The following R3HDM1 variants were observed in gnomAD, a reference collection of about 807,000 sequenced individuals.
The protein encoded by R3HDM1 is R3H domain containing 1, also known as R3H domain-containing protein 1.
In R3HDM1, 46 loss-of-function variants were observed where a neutral mutation model predicts 141.1. That is an observed-to-expected ratio of 0.33 (90% CI 0.26 to 0.42). R3HDM1 has a LOEUF of 0.42. R3HDM1 is among the 10% of genes least tolerant of loss of function. The pLI is 1.00. For synonymous variants in R3HDM1, 435 were observed against 472.9 expected, an observed-to-expected ratio of 0.92 and a Z score of 1.04; for missense variants, 1,184 against 1,368.3, an observed-to-expected ratio of 0.87 and a Z score of 2.12.
chr2:135,710,050 G>C lies in R3HDM1; in HGVS notation c.2564-9G>C. 14 of 1,612,184 alleles carry C rather than the reference G, an allele frequency of 8.7e-6. No homozygotes were observed. The highest frequency in any genetic ancestry group is 1.2e-5 in the Non-Finnish European group (14 of 1,179,006). On this transcript the variant is annotated splice_polypyrimidine_tract_variant and intron_variant, in intron 22 of 26. Coordinates refer to ENST00000683871, the MANE Select transcript of R3HDM1 (RefSeq NM_001378107.1). ...TTCTGACTATAGCATCCTAAATTCT[G>C]ATTTTCAGCTGGACCACCACCGCCA...
intron 1 of R3HDM1, among the ~76,000 whole-genome samples, chr2:135,597,697 CT>C (rs905728794): frequency 5.9e-5 from 9 of 151,964 alleles, no homozygotes; most frequent in South Asian, 2.1e-4. Flanking sequence ...AGCAACAACC[CT>C]TTTTTTTGGG....
At chr2:135,565,357 TTATTA>T (rs1452374089) in intron 1 of R3HDM1, among the ~76,000 whole-genome samples, 6 of 147,792 alleles carry the variant, frequency 4.1e-5, no homozygotes, top group African/African-American at 1.2e-4. Context: ...ATTATTATTA[TTATTA>T]TTTTTAAATT....
intron 24 of R3HDM1, among the ~76,000 whole-genome samples, chr2:135,716,342 A>G (rs928590590): frequency 2.6e-5 from 4 of 152,268 alleles, no homozygotes; most frequent in Non-Finnish European, 5.9e-5. Context: ...AAATTTATTC[A>G]GCAATCATTT....
Position 135,651,828 on chromosome 2 carries a change from G to T in R3HDM1, c.1824G>T (p.Val608=). 6.2e-7 allele frequency: 1 copy of T among 1,614,058 alleles called. No individual in the cohort carries two copies. The highest frequency in any genetic ancestry group is 2.2e-5 in the East Asian group (1 of 44,878). Residue 608 remains valine (V), a synonymous_variant, in exon 18 of 27, where the codon GTG becomes GTT. Transcript: ENST00000683871. ...DPHAAMFQST[V]VLQSPQQSGY... Reference sequence around the variant, plus strand: ...ATGCCGCCATGTTCCAGTCCACTGTGGTTCTTCAGTCTCCACAGCAGTCTG... The same window carrying T: ...ATGCCGCCATGTTCCAGTCCACTGTTGTTCTTCAGTCTCCACAGCAGTCTG...
intron 19 of R3HDM1, among the ~76,000 whole-genome samples, chr2:135,666,778 G>T (rs560695467): frequency 1.3e-5 from 2 of 152,140 alleles, no homozygotes; most frequent in South Asian, 2.1e-4. Flanking sequence ...TACACCCATG[G>T]GGCTGGCTTT....
intron 18 of R3HDM1, among the ~76,000 whole-genome samples, chr2:135,652,299 A>G (rs2065233959): frequency 6.6e-6 from 1 of 152,166 alleles, no homozygotes; most frequent in Non-Finnish European, 1.5e-5. Flanking sequence ...AACTAACCTA[A>G]GGGAAACACA....
rs142241617 is a variant in R3HDM1 at position 135,677,083 on chromosome 2, T to C, written c.2307+1597T>C. 1.8e-3 allele frequency among the ~76,000 whole-genome samples: 277 copies of C among 152,196 alleles called. 2 individuals carry two copies. The Middle Eastern group carries it at 0.02, about 11-fold the overall frequency. On this transcript the variant is annotated intron_variant, in intron 20 of 26. Coordinates refer to ENST00000683871, the MANE Select transcript of R3HDM1 (RefSeq NM_001378107.1). ...TTCAAAGAAAATGATGGGCGTAAAT[T>C]GGTTAAGATGACATTCTGAGAATGA...
intron 1 of R3HDM1, among the ~76,000 whole-genome samples, chr2:135,593,464 A>T (rs549224046): frequency 6.6e-6 from 1 of 152,154 alleles, no homozygotes; most frequent in South Asian, 2.1e-4. Flanking sequence ...TCTCTTACCT[A>T]TATCTGCCAA....
chr2:135,688,368 G>T (rs1203566761), intron 21 of R3HDM1, among the ~76,000 whole-genome samples: 1 of 152,166 alleles, frequency 6.6e-6, no homozygotes, highest in African/African-American at 2.4e-5. Flanking sequence ...ACTCTAGAAA[G>T]TCCTAAAATA....
intron 18 of R3HDM1, among the ~76,000 whole-genome samples, chr2:135,658,252 G>C (rs375436524): frequency 1.3e-5 from 2 of 152,206 alleles, no homozygotes; most frequent in South Asian, 4.1e-4. Flanking sequence ...CACAACTTCC[G>C]CCTCCCTGGT....
At chr2:135,694,228 A>G (rs2105387692) in intron 21 of R3HDM1, among the ~76,000 whole-genome samples, 1 of 152,290 alleles carries the variant, frequency 6.6e-6, no homozygotes, top group East Asian at 1.9e-4. Flanking sequence ...ATATTTCTTG[A>G]GGCCACAAGC....
intron 19 of R3HDM1, chr2:135,669,434 T>G: frequency 1.0e-6 from 1 of 984,146 alleles, no homozygotes; most frequent in Non-Finnish European, 1.2e-6. Context: ...TTGATTGACA[T>G]TATTTCCAGT....
At chr2:135,700,889 G>A (rs1183554737) in intron 21 of R3HDM1, among the ~76,000 whole-genome samples, 2 of 152,100 alleles carry the variant, frequency 1.3e-5, no homozygotes, top group Admixed American at 6.6e-5. Context: ...CCCTTATCCA[G>A]AGGGTATATG....
intron 1 of R3HDM1, among the ~76,000 whole-genome samples, chr2:135,539,892 C>T (rs1697092469): frequency 1.3e-5 from 2 of 152,118 alleles, no homozygotes; most frequent in East Asian, 1.9e-4. Context: ...GTGGCAATAT[C>T]TGAAAATAAG....
intron 7 of R3HDM1, among the ~76,000 whole-genome samples, 191 bp from the exon 8 acceptor site, chr2:135,631,527 T>TA (rs1456166907): frequency 6.6e-6 from 1 of 152,148 alleles, no homozygotes; most frequent in Non-Finnish European, 1.5e-5. Context: ...ACTTCTGTAA[T>TA]AAAAAGTTAA....
intron 1 of R3HDM1, chr2:135,550,038 A>G (rs1027422257): frequency 9.2e-6 from 9 of 982,824 alleles, no homozygotes; most frequent in Middle Eastern, 5.2e-4. Flanking sequence ...GTTTATATTC[A>G]TAAGACCCAA....
chr2:135,620,083 A>G (rs1487907330), intron 5 of R3HDM1, among the ~76,000 whole-genome samples: 1 of 152,142 alleles, frequency 6.6e-6, no homozygotes, highest in African/African-American at 2.4e-5. Context: ...TCTTGATAAA[A>G]TAGTTTAGTA....
At chr2:135,537,084 G>C (rs1027220568) in intron 1 of R3HDM1, among the ~76,000 whole-genome samples, 3 of 150,922 alleles carry the variant, frequency 2.0e-5, no homozygotes, top group African/African-American at 7.3e-5. Flanking sequence ...TCCATAACTA[G>C]AGTAAAATAT....
At chr2:135,552,418 A>G (rs1009148162) in intron 1 of R3HDM1, among the ~76,000 whole-genome samples, 1 of 151,750 alleles carries the variant, frequency 6.6e-6, no homozygotes, top group South Asian at 2.1e-4. Context: ...CTGGTCTCGA[A>G]CTCCTGACCT....
Sources: allele counts gnomAD v4.1 joint callset (sites outside exome capture counted in the v4.1 genomes callset), GRCh38; gene constraint gnomAD v4.1.1; transcripts MANE v1.5; gene names NCBI Gene and HGNC (gene_info 2026-07-23, HGNC 2026-07-21).